MEMO1: variants seen among roughly 807,000 people sequenced by gnomAD.
MEMO1 encodes mediator of cell motility 1, also known as protein MEMO1.
A neutral mutation model predicts 45.2 loss-of-function variants in MEMO1; 6 were observed. The ratio of observed to expected loss-of-function variants is 0.13; its 90% CI spans 0.07 to 0.26. The LOEUF (loss-of-function observed/expected upper bound fraction) is 0.26, where lower values mean the gene tolerates loss of function less well. Ranked by LOEUF, MEMO1 falls within the 10% of genes least tolerant of loss-of-function variation. The probability of loss-of-function intolerance (pLI) is 1.00; values close to 1 mark genes in which losing one functional copy is unlikely to be tolerated. For missense variants in MEMO1, 184 were observed against 370.5 expected, an observed-to-expected ratio of 0.50 and a Z score of 4.13; for synonymous variants, 78 against 124.3, an observed-to-expected ratio of 0.63 and a Z score of 2.48.
chr2:31,973,672 A>C (rs1239931881), intron 2 of MEMO1, among the ~76,000 whole-genome samples: 3 of 152,214 alleles, frequency 2.0e-5, no homozygotes, highest in Non-Finnish European at 2.9e-5. Context: ...CTACTATGTG[A>C]ATGAACCTTG....
chr2:31,996,681 A>T (rs985555154), intron 2 of MEMO1, among the ~76,000 whole-genome samples: 1 of 152,224 alleles, frequency 6.6e-6, no homozygotes, highest in Non-Finnish European at 1.5e-5. Context: ...ACAATAATCC[A>T]ACTTAATCTA....
rs143148468 is a variant in MEMO1, at chr2:31,920,908, C to T, written c.215G>A (p.Arg72Gln). 30 of 1,604,236 alleles carry T rather than the reference C, an allele frequency of 1.9e-5. No homozygotes were observed. Among genetic ancestry groups the T allele is most frequent in the Admixed American group, 1.2e-4 (7 of 58,778 alleles). Residue 72 changes from arginine to glutamine, a missense_variant and splice_region_variant, in exon 5 of 10, where the codon CGG becomes CAG. Physicochemically the swap from Arg to Gln is conservative, Grantham distance 43. Coordinates refer to ENST00000404530, the MANE Select transcript of MEMO1 (RefSeq NM_001301833.4). Reference protein sequence around the residue: ...AYKQVDPSITRRIFILGPSHH... With the variant: ...AYKQVDPSITQRIFILGPSHH... ...AGAAGGCCCAAGGATGAAAATTCTCCGGCTAGGAGATACACAACAAAAAAA... is the reference window on the plus strand; with the variant it reads ...AGAAGGCCCAAGGATGAAAATTCTCTGGCTAGGAGATACACAACAAAAAAA...
At chr2:32,007,307 A>G (rs946092955) in intron 2 of MEMO1, among the ~76,000 whole-genome samples, 1 of 152,186 alleles carries the variant, frequency 6.6e-6, no homozygotes, top group Non-Finnish European at 1.5e-5. Flanking sequence ...CCTTCAAAGC[A>G]TAATTCAAAT....
At chr2:31,908,159 C>T (rs749066514) in intron 6 of MEMO1, among the ~76,000 whole-genome samples, 20 of 152,072 alleles carry the variant, frequency 1.3e-4, no homozygotes, top group Non-Finnish European at 2.5e-4. Flanking sequence ...ATGAAAGAAG[C>T]TCAGATTTGT....
intron 2 of MEMO1, among the ~76,000 whole-genome samples, chr2:31,957,527 G>A (rs1250605853): frequency 6.6e-6 from 1 of 152,072 alleles, no homozygotes; most frequent in Non-Finnish European, 1.5e-5. Flanking sequence ...GATATATGTG[G>A]GCCAATGTGA....
intron 6 of MEMO1, among the ~76,000 whole-genome samples, chr2:31,900,536 T>A (rs1396720534): frequency 6.8e-6 from 1 of 148,032 alleles, no homozygotes; most frequent in Non-Finnish European, 1.5e-5. Context: ...TGTTGGGGAG[T>A]GGGGGACTAG....
intron 4 of MEMO1, among the ~76,000 whole-genome samples, chr2:31,925,475 C>CAAAAAAAAAAA (rs70964741): frequency 0.021 from 1,623 of 78,746 alleles, 172 homozygotes; most frequent in Admixed American, 0.042. Context: ...GACTCCGTCT[C>CAAAAAAAAAAA]AAAAAAAAAA....
intron 6 of MEMO1, among the ~76,000 whole-genome samples, chr2:31,907,501 C>T (rs948508447): frequency 1.7e-4 from 26 of 151,926 alleles, no homozygotes; most frequent in Admixed American, 4.6e-4. Context: ...TTTTATAAAA[C>T]ATAACTAGTA....
chr2:31,934,823 G>C (rs1664718407), intron 3 of MEMO1, among the ~76,000 whole-genome samples: 1 of 152,168 alleles, frequency 6.6e-6, no homozygotes, highest in Non-Finnish European at 1.5e-5. Context: ...GGTGTTAATA[G>C]AAGCTCTCTT....
chr2:31,874,168 T>G (rs1201390901), intron 8 of MEMO1, among the ~76,000 whole-genome samples: 1 of 152,122 alleles, frequency 6.6e-6, no homozygotes, highest in African/African-American at 2.4e-5. Flanking sequence ...GAAACACTGG[T>G]CTACACCAAA....
At chr2:31,905,750 T>C (rs555487734) in intron 6 of MEMO1, among the ~76,000 whole-genome samples, 2 of 152,334 alleles carry the variant, frequency 1.3e-5, no homozygotes, top group East Asian at 3.9e-4. Flanking sequence ...CTTAACTGTC[T>C]CACATAGGAA....
At chr2:31,923,275 A>C (rs1289638791) in intron 4 of MEMO1, among the ~76,000 whole-genome samples, 1 of 152,114 alleles carries the variant, frequency 6.6e-6, no homozygotes, top group Non-Finnish European at 1.5e-5. Flanking sequence ...TCTTCTTTTG[A>C]AAAGTGTCTG....
chr2:31,995,593 T>C (rs1327899688), intron 2 of MEMO1, among the ~76,000 whole-genome samples: 1 of 150,392 alleles, frequency 6.6e-6, no homozygotes, highest in Non-Finnish European at 1.5e-5. Flanking sequence ...CAAAATAAAT[T>C]ATACAAAAGG....
At chr2:31,927,811 G>C (rs1683332583) in intron 4 of MEMO1, among the ~76,000 whole-genome samples, 1 of 152,040 alleles carries the variant, frequency 6.6e-6, no homozygotes, top group Non-Finnish European at 1.5e-5. Flanking sequence ...CACAAAGGTA[G>C]ATGTGGTCTA....
intron 6 of MEMO1, among the ~76,000 whole-genome samples, chr2:31,908,246 C>G (rs565614659): frequency 9.9e-5 from 15 of 152,224 alleles, no homozygotes; most frequent in African/African-American, 3.4e-4. Flanking sequence ...CCACACAGTG[C>G]TTAAAGTGAC....
chr2:31,963,177 G>A (rs1450657128), intron 2 of MEMO1: 3 of 1,542,638 alleles, frequency 1.9e-6, no homozygotes, highest in African/African-American at 2.7e-5. Context: ...CGCACCGTCA[G>A]CTCTCCTGGG....
At chr2:31,918,071 T>C (rs759553587) in intron 5 of MEMO1, 34 bp from the exon 6 acceptor site, 1 of 1,442,062 alleles carries the variant, frequency 6.9e-7, no homozygotes, top group South Asian at 1.2e-5. Flanking sequence ...AAAATAAATA[T>C]ATTAATGTAT....
intron 2 of MEMO1, among the ~76,000 whole-genome samples, chr2:31,964,023 G>A (rs1001514590): frequency 5.9e-5 from 9 of 151,998 alleles, no homozygotes; most frequent in African/African-American, 9.7e-5. Context: ...AATTTTACCC[G>A]TTTCTTTTCA....
At chr2:31,898,198 T>C (rs951844118) in intron 6 of MEMO1, among the ~76,000 whole-genome samples, 25 of 152,244 alleles carry the variant, frequency 1.6e-4, no homozygotes, top group African/African-American at 5.5e-4. Flanking sequence ...TGAAGGGTTT[T>C]TCGTGTCTCT....
Sources: gnomAD v4.1 joint callset for allele counts (sites outside exome capture counted in the v4.1 genomes callset) on GRCh38, gnomAD v4.1.1 for gene constraint, MANE v1.5 for transcripts, NCBI Gene and HGNC (gene_info 2026-07-23, HGNC 2026-07-21) for gene names.